RGS7: variants seen among roughly 807,000 people sequenced by gnomAD.
RGS7 encodes the protein regulator of G-protein signaling 7.
RGS7 carries 27 observed loss-of-function variants against 81.1 expected under a neutral mutation model. The observed-to-expected ratio is 0.33, with a 90% CI of 0.25 to 0.46. The LOEUF (loss-of-function observed/expected upper bound fraction) is 0.46, where lower values mean the gene tolerates loss of function less well. Ranked by LOEUF, RGS7 falls within the 20% of genes least tolerant of loss-of-function variation. The pLI is 1.00. For synonymous variants in RGS7, 208 were observed against 207.7 expected (o/e 1.00, Z -0.01); for missense variants, 396 against 607.4 (o/e 0.65, Z 3.66).
chr1:241,046,337 G>A (rs2060929742), intron 3 of RGS7, among the ~76,000 whole-genome samples: 1 of 148,040 alleles, frequency 6.8e-6, no homozygotes, highest in African/African-American at 2.5e-5. Flanking sequence ...CCCAATGTCT[G>A]TTGTTCCCAT....
At chr1:241,244,855 G>A (rs2076440583) in intron 2 of RGS7, among the ~76,000 whole-genome samples, 1 of 150,514 alleles carries the variant, frequency 6.6e-6, no homozygotes, top group African/African-American at 2.4e-5. Flanking sequence ...CTATCGCAAG[G>A]ACAAAAAAAC....
At chr1:241,169,363 A>G (rs1283256743) in intron 2 of RGS7, among the ~76,000 whole-genome samples, 2 of 61,512 alleles carry the variant, frequency 3.3e-5, no homozygotes, top group African/African-American at 1.2e-4. Context: ...TTTTTTTTTG[A>G]GACAGAGTCT....
At chr1:241,106,490 G>A (rs754238929) in intron 2 of RGS7, among the ~76,000 whole-genome samples, 22 of 152,008 alleles carry the variant, frequency 1.4e-4, no homozygotes, top group Non-Finnish European at 2.4e-4. Flanking sequence ...GAGGCCAACG[G>A]ATCACCTGAG....
chr1:240,984,619 T>A (rs1315896215), intron 3 of RGS7, among the ~76,000 whole-genome samples: 2 of 152,204 alleles, frequency 1.3e-5, no homozygotes, highest in Non-Finnish European at 2.9e-5. Context: ...AAAATATGTA[T>A]GTGAATTGTT....
At chr1:240,802,156 C>A (rs1172150819) in intron 16 of RGS7, among the ~76,000 whole-genome samples, 1 of 152,178 alleles carries the variant, frequency 6.6e-6, no homozygotes, top group African/African-American at 2.4e-5. Flanking sequence ...ACATGACGAT[C>A]ATGAACTACA....
intron 2 of RGS7, among the ~76,000 whole-genome samples, chr1:241,314,768 G>C (rs1337873783): frequency 1.3e-5 from 2 of 152,170 alleles, no homozygotes; most frequent in Non-Finnish European, 2.9e-5. Context: ...GAATTTGTAG[G>C]CCAAAGGAAG....
chr1:240,777,048 A>AT lies in RGS7; in HGVS notation c.*7-836dup, dbSNP rs376593766. Among the ~76,000 whole-genome samples the AT allele has an allele frequency of 6.0e-3, 910 of 152,316 alleles. 6 individuals are homozygous for AT. The highest frequency in any genetic ancestry group is 0.01 in the Non-Finnish European group (704 of 68,024). On this transcript the variant is annotated intron_variant, in intron 18 of 18. Coordinates refer to ENST00000440928, the MANE Select transcript of RGS7 (RefSeq NM_001364886.1). ...AGTGGCTCACGCCTGTAATCCCAGC[A>AT]TTTTGGGAGGCTGAGGTGGGCAGAT...
chr1:241,170,564 T>C (rs755225268), intron 2 of RGS7, among the ~76,000 whole-genome samples: 6 of 152,286 alleles, frequency 3.9e-5, no homozygotes, highest in Non-Finnish European at 8.8e-5. Flanking sequence ...ACTATGTATC[T>C]GAGGCACCGT....
chr1:240,817,725 C>T (rs1691066461), intron 10 of RGS7, among the ~76,000 whole-genome samples: 1 of 152,174 alleles, frequency 6.6e-6, no homozygotes, highest in South Asian at 2.1e-4. Flanking sequence ...GCCTCAGCCT[C>T]CCAAGTAGCT....
chr1:240,827,660 C>T (rs911950938), intron 9 of RGS7, among the ~76,000 whole-genome samples: 5 of 151,774 alleles, frequency 3.3e-5, no homozygotes, highest in African/African-American at 1.2e-4. Context: ...GTAAGGAGTT[C>T]GAGACCAGCC....
intron 2 of RGS7, among the ~76,000 whole-genome samples, chr1:241,244,998 C>A (rs2076451023): frequency 6.6e-6 from 1 of 151,070 alleles, no homozygotes; most frequent in Non-Finnish European, 1.5e-5. Context: ...AGGAGATATA[C>A]CTAATGTTAA....
chr1:241,270,871 G>A (rs1168066040), intron 2 of RGS7, among the ~76,000 whole-genome samples: 1 of 151,060 alleles, frequency 6.6e-6, no homozygotes, highest in South Asian at 2.1e-4. Context: ...CCATTCTCCT[G>A]CCTCAGCCTC....
intron 4 of RGS7, among the ~76,000 whole-genome samples, chr1:240,973,239 G>T (rs944822651): frequency 6.6e-6 from 1 of 152,090 alleles, no homozygotes; most frequent in Admixed American, 6.5e-5. Flanking sequence ...TTTAATTAAG[G>T]CTGGGGGCCA....
intron 2 of RGS7, among the ~76,000 whole-genome samples, chr1:241,194,996 G>T (rs2072960346): frequency 1.3e-5 from 2 of 152,142 alleles, no homozygotes; most frequent in Admixed American, 1.3e-4. Flanking sequence ...GCCTTATAAA[G>T]GTTTAAGAAA....
At chr1:241,211,965 CATT>C (rs1220592350) in intron 2 of RGS7, among the ~76,000 whole-genome samples, 8 of 151,974 alleles carry the variant, frequency 5.3e-5, no homozygotes, top group African/African-American at 1.7e-4. Flanking sequence ...CTAACAATTA[CATT>C]ATTATTAATT....
chr1:241,286,185 C>G (rs1252806604), intron 2 of RGS7, among the ~76,000 whole-genome samples: 1 of 152,162 alleles, frequency 6.6e-6, no homozygotes, highest in African/African-American at 2.4e-5. Context: ...TTCACCAATT[C>G]TGTAATGTTC....
rs58714151 is a variant in RGS7, at chr1:241,192,159, GGTGTGTGTGTGTGT to G, written c.79-93411_79-93398del. Among the ~76,000 whole-genome samples, 333 of 121,994 alleles carry G rather than the reference GGTGTGTGTGTGTGT, an allele frequency of 2.7e-3. 2 individuals carry two copies. The highest frequency in any genetic ancestry group is 0.017 in the East Asian group (76 of 4,590). 80.0% of individuals were successfully genotyped at this position (121,994 alleles called of 152,430 possible). On this transcript the variant is annotated intron_variant, in intron 2 of 18. Coordinates refer to ENST00000440928, the MANE Select transcript of RGS7 (RefSeq NM_001364886.1). The stretch of plus-strand genomic sequence containing the variant: ...CCTGATCATTTGGCTAGAGAAAACA[GGTGTGTGTGTGTGT>G]GTGTGTGTGTGTGTGTGTGTGTGTG...
At chr1:241,135,367 C>T (rs1323976003) in intron 2 of RGS7, among the ~76,000 whole-genome samples, 3 of 152,074 alleles carry the variant, frequency 2.0e-5, no homozygotes, top group Admixed American at 2.0e-4. Context: ...GCGGAGCTTG[C>T]AGTGAGCCGA....
intron 3 of RGS7, among the ~76,000 whole-genome samples, chr1:240,985,174 A>G (rs1183386463): frequency 3.3e-5 from 5 of 152,214 alleles, no homozygotes; most frequent in African/African-American, 1.2e-4. Context: ...CTTTTCACAT[A>G]TACATGTAGT....
Sources: allele counts gnomAD v4.1 joint callset (sites outside exome capture counted in the v4.1 genomes callset), GRCh38; gene constraint gnomAD v4.1.1; transcripts MANE v1.5; gene names NCBI Gene and HGNC (gene_info 2026-07-23, HGNC 2026-07-21).